The following CNTNAP5 variants were observed in gnomAD, a reference collection of about 807,000 sequenced individuals.
CNTNAP5 encodes contactin associated protein family member 5.
In CNTNAP5, 72 loss-of-function variants were observed where a neutral mutation model predicts 150.2. The ratio of observed to expected loss-of-function variants is 0.48; its 90% CI spans 0.40 to 0.58. The LOEUF (loss-of-function observed/expected upper bound fraction) is 0.58, where lower values mean the gene tolerates loss of function less well. Among genes scored for constraint, CNTNAP5 ranks in the 20% least tolerant of loss-of-function variants. The pLI is 0.00. For synonymous variants in CNTNAP5, 672 were observed against 619.8 expected, an observed-to-expected ratio of 1.08 and a Z score of -1.25; for missense variants, 1,636 against 1,626.2, an observed-to-expected ratio of 1.01 and a Z score of -0.10.
chr2:124,655,947 GAA>G (rs747283879), intron 13 of CNTNAP5, among the ~76,000 whole-genome samples: 45 of 88,254 alleles, frequency 5.1e-4, no homozygotes, highest in South Asian at 8.5e-4. Context: ...GAGAGAGAGA[GAA>G]AGAAAGAAAG....
intron 1 of CNTNAP5, among the ~76,000 whole-genome samples, chr2:124,128,396 A>T (rs1314624520): frequency 3.3e-5 from 5 of 152,196 alleles, no homozygotes; most frequent in African/African-American, 4.8e-5. Flanking sequence ...GGCCATCATT[A>T]AAAAGTCAGG....
At chr2:124,248,864 A>G (rs1687096045) in intron 3 of CNTNAP5, among the ~76,000 whole-genome samples, 3 of 152,204 alleles carry the variant, frequency 2.0e-5, no homozygotes, top group Admixed American at 2.0e-4. Context: ...GTAGTGGGAT[A>G]GGATCCAACA....
At chr2:124,441,521 C>T (rs1469057220) in intron 5 of CNTNAP5, among the ~76,000 whole-genome samples, 1 of 151,830 alleles carries the variant, frequency 6.6e-6, no homozygotes, top group African/African-American at 2.4e-5. Flanking sequence ...TCAGTATAGT[C>T]TAATTATTGA....
At chr2:124,664,361 G>A (rs1240920086) in intron 13 of CNTNAP5, among the ~76,000 whole-genome samples, 2 of 149,888 alleles carry the variant, frequency 1.3e-5, no homozygotes, top group African/African-American at 2.4e-5. Context: ...AAAAGCTTAA[G>A]TGTGGTGCAA....
rs552059915 is a variant in CNTNAP5 at position 124,649,530 on chromosome 2, G to A, written c.2077+1572G>A. On this transcript the variant is annotated intron_variant, in intron 13 of 23. Transcript: ENST00000682447. Reference sequence around the variant, plus strand: ...GGACTTCTTTTAGGATACGCACTCCGTGATATCAATTTGGCTACACCATTG... The same window carrying A: ...GGACTTCTTTTAGGATACGCACTCCATGATATCAATTTGGCTACACCATTG... Among the ~76,000 whole-genome samples, 21 of 152,236 alleles carry A rather than the reference G, an allele frequency of 1.4e-4. No homozygotes were observed. In the South Asian group the frequency reaches 3.1e-3, roughly 23 times the overall value.
chr2:124,476,747 T>A (rs756915166), intron 7 of CNTNAP5, among the ~76,000 whole-genome samples: 11 of 152,254 alleles, frequency 7.2e-5, no homozygotes, highest in South Asian at 2.1e-4. Context: ...CACTACAGCA[T>A]GGCTCAGTGG....
At chr2:124,854,306 C>T (rs1330648369) in intron 19 of CNTNAP5, among the ~76,000 whole-genome samples, 1 of 152,158 alleles carries the variant, frequency 6.6e-6, no homozygotes, top group Non-Finnish European at 1.5e-5. Context: ...GGAAAGGGCA[C>T]ATACTTTATA....
chr2:124,594,574 G>T (rs1696777789), intron 11 of CNTNAP5, among the ~76,000 whole-genome samples: 1 of 141,504 alleles, frequency 7.1e-6, no homozygotes. Context: ...GTAGTGTGAT[G>T]CCTCCAGCTT....
At chr2:124,197,170 A>G (rs1573827800) in intron 1 of CNTNAP5, among the ~76,000 whole-genome samples, 1 of 152,198 alleles carries the variant, frequency 6.6e-6, no homozygotes, top group East Asian at 1.9e-4. Context: ...TATGCCTATG[A>G]TCTCAATTTA....
intron 13 of CNTNAP5, among the ~76,000 whole-genome samples, chr2:124,738,038 C>T (rs1005017690): frequency 2.6e-5 from 4 of 152,092 alleles, no homozygotes; most frequent in Non-Finnish European, 4.4e-5. Flanking sequence ...TATTGCAATT[C>T]TTAGTTTCTA....
At chr2:124,355,797 A>C (rs1235703023) in intron 3 of CNTNAP5, among the ~76,000 whole-genome samples, 3 of 152,130 alleles carry the variant, frequency 2.0e-5, no homozygotes, top group Admixed American at 1.3e-4. Context: ...TGTAATTTGC[A>C]TTTACTGAAA....
At position 124,754,180 on chromosome 2, in the gene CNTNAP5, T is replaced by C. The variant is rs62171329; in HGVS notation, c.2234+6795T>C. Among the ~76,000 whole-genome samples, 201 of 152,244 alleles carry C rather than the reference T, an allele frequency of 1.3e-3. 1 individual carries two copies. The highest frequency in any genetic ancestry group is 4.6e-3 in the South Asian group (22 of 4,822). ...TAAGGGCGCCTTAGACCACATAGTATCTTGAGAAGGGGCCCCAATCCTGAA... is the reference window on the plus strand; with the variant it reads ...TAAGGGCGCCTTAGACCACATAGTACCTTGAGAAGGGGCCCCAATCCTGAA... On this transcript the variant is annotated intron_variant, in intron 14 of 23. Coordinates refer to ENST00000682447, the MANE Select transcript of CNTNAP5 (RefSeq NM_001367498.1).
At chr2:124,338,952 G>T (rs1008415249) in intron 3 of CNTNAP5, among the ~76,000 whole-genome samples, 4 of 152,088 alleles carry the variant, frequency 2.6e-5, no homozygotes, top group African/African-American at 7.2e-5. Flanking sequence ...AGAGCAGATG[G>T]TCTTATGGAT....
intron 12 of CNTNAP5, among the ~76,000 whole-genome samples, chr2:124,625,847 A>G (rs1268502092): frequency 6.6e-6 from 1 of 152,204 alleles, no homozygotes; most frequent in Non-Finnish European, 1.5e-5. Context: ...AAAGCCATCC[A>G]TCTCTTACAG....
intron 3 of CNTNAP5, among the ~76,000 whole-genome samples, chr2:124,413,838 A>C (rs1436461053): frequency 1.4e-5 from 2 of 144,256 alleles, no homozygotes; most frequent in African/African-American, 2.6e-5. Flanking sequence ...ATATGTAACT[A>C]ACCTGCACAA....
chr2:124,419,139 T>TAAAAAAAAAAAAAAAA (rs1213831646), intron 4 of CNTNAP5, among the ~76,000 whole-genome samples: 2 of 642 alleles, frequency 3.1e-3, no homozygotes, highest in South Asian at 0.1. Flanking sequence ...AGACTCCTTC[T>TAAAAAAAAAAAAAAAA]CAAAAAAAAA....
chr2:124,731,352 CT>C lies in CNTNAP5; in HGVS notation c.2078-15867del, dbSNP rs374284678. On this transcript the variant is annotated intron_variant, in intron 13 of 23. Coordinates refer to ENST00000682447, the MANE Select transcript of CNTNAP5 (RefSeq NM_001367498.1). ...GCTCTTTTCTCACCTTTTTTCACTT[CT>C]TTTTTTTTTCTTTTACCGTAAGCAG... is the stretch of plus-strand genomic sequence containing the variant. 4.1e-3 allele frequency among the ~76,000 whole-genome samples: 620 copies of C among 149,406 alleles called. 4 individuals are homozygous for C. The highest frequency in any genetic ancestry group is 0.014 in the Middle Eastern group (4 of 290).
intron 6 of CNTNAP5, among the ~76,000 whole-genome samples, chr2:124,448,626 C>G (rs896009549): frequency 2.6e-5 from 4 of 152,168 alleles, no homozygotes. Context: ...AGAAAACTAC[C>G]TGGCTTGTCT....
chr2:124,447,088 C>A (rs1478160439), intron 6 of CNTNAP5, among the ~76,000 whole-genome samples, 151 bp downstream of exon 6: 1 of 152,072 alleles, frequency 6.6e-6, no homozygotes, highest in East Asian at 1.9e-4. Flanking sequence ...AGATAGTCAA[C>A]AAGGAAAGGA....
Sources: allele counts gnomAD v4.1 joint callset (sites outside exome capture counted in the v4.1 genomes callset), GRCh38; gene constraint gnomAD v4.1.1; transcripts MANE v1.5; gene names NCBI Gene and HGNC (gene_info 2026-07-23, HGNC 2026-07-21).